The following MARCHF3 variants were observed in gnomAD, a reference collection of about 807,000 sequenced individuals.
MARCHF3 encodes membrane associated ring-CH-type finger 3, also known as E3 ubiquitin-protein ligase MARCHF3.
A neutral mutation model predicts 24.2 loss-of-function variants in MARCHF3; 13 were observed. The observed-to-expected ratio is 0.54, with a 90% CI of 0.35 to 0.85. MARCHF3 has a LOEUF of 0.85. MARCHF3 is among the 40% of genes least tolerant of loss of function. MARCHF3 has a pLI of 0.01. For missense variants in MARCHF3, 276 were observed against 325.0 expected (o/e 0.85, Z 1.16); for synonymous variants, 144 against 137.3 (o/e 1.05, Z -0.34).
intron 3 of MARCHF3, among the ~76,000 whole-genome samples, chr5:126,891,020 G>A (rs1438367203): frequency 6.6e-6 from 1 of 150,476 alleles, no homozygotes; most frequent in Non-Finnish European, 1.5e-5. Flanking sequence ...GTTTTGATTT[G>A]CATTTCTCTG....
At chr5:126,957,362 A>C (rs17592613) in intron 1 of MARCHF3, among the ~76,000 whole-genome samples, 4 of 152,186 alleles carry the variant, frequency 2.6e-5, no homozygotes, top group African/African-American at 9.6e-5. Flanking sequence ...TTTGACACAT[A>C]AGCTTTAGAA....
At chr5:126,963,605 A>G (rs1750715835) in intron 1 of MARCHF3, among the ~76,000 whole-genome samples, 4 of 152,226 alleles carry the variant, frequency 2.6e-5, no homozygotes, top group Admixed American at 2.6e-4. Context: ...GATTAATTGG[A>G]TCTAAGATAC....
intron 1 of MARCHF3, among the ~76,000 whole-genome samples, chr5:126,984,019 A>G (rs1235347864): frequency 6.6e-6 from 1 of 151,992 alleles, no homozygotes; most frequent in African/African-American, 2.4e-5. Context: ...CTTGTGATCT[A>G]CAGCTAACTG....
intron 3 of MARCHF3, among the ~76,000 whole-genome samples, chr5:126,907,159 T>G (rs548123370): frequency 7.6e-4 from 115 of 151,120 alleles, no homozygotes; most frequent in African/African-American, 2.8e-3. Flanking sequence ...GAGTTCTAGT[T>G]TGATTGCACT....
At position 126,983,699 on chromosome 5, in the gene MARCHF3, CTT is replaced by C. The variant is rs1412900435; in HGVS notation, c.-57+46649_-57+46650del. On this transcript the variant is annotated intron_variant, in intron 1 of 4. Coordinates refer to ENST00000308660, the MANE Select transcript of MARCHF3 (RefSeq NM_178450.5). ...GACGGCTGAGGAGCCAGGTCCCTCG[CTT>C]TCCAACTTGTCCCTTCCCTCATCCC... 3.0e-3 allele frequency among the ~76,000 whole-genome samples: 451 copies of C among 152,290 alleles called. 1 individual carries two copies. The highest frequency in any genetic ancestry group is 0.01 in the African/African-American group (436 of 41,554).
At chr5:126,902,764 G>A (rs909800042) in intron 3 of MARCHF3, among the ~76,000 whole-genome samples, 3 of 152,084 alleles carry the variant, frequency 2.0e-5, no homozygotes, top group African/African-American at 7.3e-5. Flanking sequence ...TGTCAAATTT[G>A]CCACCAAAAC....
At chr5:126,932,494 C>T (rs1749510271) in intron 1 of MARCHF3, among the ~76,000 whole-genome samples, 1 of 152,110 alleles carries the variant, frequency 6.6e-6, no homozygotes, top group Non-Finnish European at 1.5e-5. Flanking sequence ...CAGAGGTGGG[C>T]CTCTTGAATC....
intron 1 of MARCHF3, among the ~76,000 whole-genome samples, chr5:126,926,084 G>A (rs936315796): frequency 8.5e-5 from 13 of 152,178 alleles, no homozygotes; most frequent in African/African-American, 9.7e-5. Flanking sequence ...CATGAAGGAC[G>A]TTGATTTGGG....
At chr5:126,948,901 CCT>C (rs1038043517) in intron 1 of MARCHF3, among the ~76,000 whole-genome samples, 16 of 152,210 alleles carry the variant, frequency 1.1e-4, no homozygotes, top group African/African-American at 3.6e-4. Flanking sequence ...GCATTTGTCC[CCT>C]GTGTCTTTGT....
At chr5:126,889,155 C>G (rs536384868) in intron 3 of MARCHF3, among the ~76,000 whole-genome samples, 75 of 152,226 alleles carry the variant, frequency 4.9e-4, no homozygotes, top group African/African-American at 1.8e-3. Context: ...TGGAAGGTTA[C>G]TGGTGTCTAA....
chr5:126,896,169 GGCGCACGGTGC>G (rs1057107898), intron 3 of MARCHF3, among the ~76,000 whole-genome samples: 16 of 152,152 alleles, frequency 1.1e-4, no homozygotes, highest in Non-Finnish European at 1.9e-4. Context: ...TACTTCGGCT[GGCGCACGGTGC>G]GTGCACCCAC....
chr5:126,987,127 TA>T (rs2126840019), intron 1 of MARCHF3, among the ~76,000 whole-genome samples: 1 of 152,318 alleles, frequency 6.6e-6, no homozygotes. Context: ...CTGAAGGCCA[TA>T]AGGGCAAAAA....
intron 3 of MARCHF3, among the ~76,000 whole-genome samples, chr5:126,902,069 C>T (rs897044490): frequency 6.6e-6 from 1 of 152,064 alleles, no homozygotes; most frequent in Non-Finnish European, 1.5e-5. Flanking sequence ...TGAAAGGGTC[C>T]GGAATCTTTC....
At chr5:126,997,324 A>T (rs1054704829) in intron 1 of MARCHF3, among the ~76,000 whole-genome samples, 10 of 152,200 alleles carry the variant, frequency 6.6e-5, no homozygotes, top group Non-Finnish European at 8.8e-5. Context: ...GTCAGAGAAG[A>T]CTTCTTGGTG....
intron 1 of MARCHF3, among the ~76,000 whole-genome samples, chr5:126,981,603 C>T (rs936028719): frequency 2.0e-5 from 3 of 152,210 alleles, no homozygotes; most frequent in African/African-American, 7.2e-5. Context: ...AAATACTAAA[C>T]ACAGTGTTCT....
Position 126,869,929 on chromosome 5 carries a change from A to G in MARCHF3, c.*704T>C, listed in dbSNP as rs920887404. The G allele has an allele frequency of 3.3e-5, 5 of 152,546 alleles. No homozygotes were observed. The highest frequency in any genetic ancestry group is 1.2e-4 in the African/African-American group (5 of 41,404). The allele number at this position is 152,546 out of a possible 1,614,324, so 9.4% of individuals were successfully genotyped here. The stretch of plus-strand genomic sequence containing the variant: ...TCAGCTGTCAGTACCAAACAAGTTG[A>G]AAGGAGCGAGCTTCTCACCATATTT... On this transcript the variant is annotated 3_prime_UTR_variant, in exon 5 of 5. Transcript: ENST00000308660.
At chr5:126,976,900 G>A (rs113902215) in intron 1 of MARCHF3, among the ~76,000 whole-genome samples, 12 of 152,292 alleles carry the variant, frequency 7.9e-5, no homozygotes, top group African/African-American at 2.6e-4. Context: ...TACATCCACC[G>A]ATCCTGGGTT....
intron 3 of MARCHF3, among the ~76,000 whole-genome samples, chr5:126,884,260 T>G (rs578225879): frequency 6.6e-6 from 1 of 152,304 alleles, no homozygotes; most frequent in African/African-American, 2.4e-5. Flanking sequence ...AAACTCCTAC[T>G]AGTGTTTTAA....
chr5:126,872,074 CTT>C (rs70997318), intron 4 of MARCHF3, among the ~76,000 whole-genome samples: 13 of 94,506 alleles, frequency 1.4e-4, no homozygotes, highest in African/African-American at 3.3e-4. Context: ...AGATCCTTGT[CTT>C]TTTTTTTTTT....
Sources: gnomAD v4.1 joint callset for allele counts (sites outside exome capture counted in the v4.1 genomes callset) on GRCh38, gnomAD v4.1.1 for gene constraint, MANE v1.5 for transcripts, NCBI Gene and HGNC (gene_info 2026-07-23, HGNC 2026-07-21) for gene names.